Variants in ADGRL2 observed in about 807,000 individuals in gnomAD.
ADGRL2 encodes adhesion G protein-coupled receptor L2.
Under a neutral mutation model 157.4 loss-of-function variants are expected in ADGRL2, and 44 were observed. The observed-to-expected ratio is 0.28, with a 90% confidence interval of 0.22 to 0.36. The LOEUF (loss-of-function observed/expected upper bound fraction) is 0.36. ADGRL2 is among the 10% of genes least tolerant of loss of function. The probability of loss-of-function intolerance (pLI) is 1.00; values close to 1 mark genes in which losing one functional copy is unlikely to be tolerated. For missense variants in ADGRL2, 1,510 were observed against 1,768.9 expected (o/e 0.85, Z 2.63); for synonymous variants, 585 against 624.7 (o/e 0.94, Z 0.95).
In ADGRL2 at chr1:81,905,110, T is replaced by A. The variant is rs185513214; in HGVS notation, c.74-1907T>A. Among the ~76,000 whole-genome samples the A allele has an allele frequency of 7.2e-4, 110 of 152,084 alleles. 1 individual carries two copies. Among genetic ancestry groups the A allele is most frequent in the African/African-American group, 2.5e-3 (105 of 41,504 alleles). ...TTTTCCTTACTATACTTTTTTTTTT[T>A]TTTGAGATGGGAGTTTGGCTCTTTT... is the stretch of plus-strand genomic sequence containing the variant. On this transcript the variant is annotated intron_variant, in intron 2 of 23. Coordinates refer to ENST00000686636, the MANE Select transcript of ADGRL2 (RefSeq NM_001366006.2).
At chr1:81,707,676 A>G (rs1047926642) in intron 1 of ADGRL2, among the ~76,000 whole-genome samples, 2 of 152,020 alleles carry the variant, frequency 1.3e-5, no homozygotes, top group African/African-American at 4.8e-5. Flanking sequence ...TGTTGCATCC[A>G]CATGTTGGAT....
chr1:81,762,710 TTATA>T (rs1412374897), intron 2 of ADGRL2, among the ~76,000 whole-genome samples: 48 of 152,090 alleles, frequency 3.2e-4, no homozygotes, highest in Admixed American at 9.2e-4. Flanking sequence ...GCATGTGCGC[TTATA>T]TAGACAGAGG....
rs1324870446 is a variant in ADGRL2 at position 81,800,988 on chromosome 1, C to A, written c.-181C>A. On this transcript the variant is annotated 5_prime_UTR_variant, in exon 1 of 24. Coordinates refer to ENST00000686636, the MANE Select transcript of ADGRL2 (RefSeq NM_001366006.2). ...CGCCGCCCGGACAGCCCTGCGGCCG[C>A]CCCGCCGGCGGAGCCGGGGCCGGCC... Among the ~76,000 whole-genome samples the A allele has an allele frequency of 6.7e-6, 1 of 149,862 alleles. No individual in the cohort carries two copies. Among genetic ancestry groups the A allele is most frequent in the East Asian group, 2.0e-4 (1 of 5,060 alleles).
At chr1:81,942,869 T>C (rs1444454323) in intron 5 of ADGRL2, 100 bp from the exon 6 acceptor site, 1 of 857,586 alleles carries the variant, frequency 1.2e-6, no homozygotes, top group Non-Finnish European at 2.0e-6. Context: ...TGAATGCTAA[T>C]AATATGAATT....
At chr1:81,571,782 T>A (rs1205511143) in intron 2 of ADGRL2, among the ~76,000 whole-genome samples, 1 of 152,202 alleles carries the variant, frequency 6.6e-6, no homozygotes, top group Admixed American at 6.6e-5. Flanking sequence ...GTATTATGAA[T>A]ACTTCATATT....
At chr1:81,427,304 G>T (rs1352784801) in intron 1 of ADGRL2, 1 of 724,360 alleles carries the variant, frequency 1.4e-6, no homozygotes. Flanking sequence ...AGGCGATGGT[G>T]GCAACTATGA....
intron 3 of ADGRL2, among the ~76,000 whole-genome samples, chr1:81,921,775 G>A (rs1328216026): frequency 6.6e-6 from 1 of 152,100 alleles, no homozygotes; most frequent in Non-Finnish European, 1.5e-5. Flanking sequence ...CTATAAATCA[G>A]ATACATTTTA....
At chr1:81,814,134 G>A (rs1478461837) in intron 1 of ADGRL2, among the ~76,000 whole-genome samples, 1 of 151,414 alleles carries the variant, frequency 6.6e-6, no homozygotes. Flanking sequence ...ACTGGTTTTC[G>A]GTTTAAAGTA....
intron 7 of ADGRL2, 82 bp downstream of exon 7, chr1:81,950,564 G>C: frequency 7.6e-7 from 1 of 1,307,684 alleles, no homozygotes; most frequent in Non-Finnish European, 1.1e-6. Flanking sequence ...TTTATTCAAA[G>C]AAAGCGATGT....
chr1:81,862,746 C>A (rs1253070343), intron 2 of ADGRL2, among the ~76,000 whole-genome samples: 3 of 152,062 alleles, frequency 2.0e-5, no homozygotes, highest in African/African-American at 7.2e-5. Flanking sequence ...AGTTTACTTA[C>A]CACTTTCGCC....
intron 3 of ADGRL2, among the ~76,000 whole-genome samples, chr1:81,616,703 G>T (rs1173602625): frequency 4.8e-5 from 2 of 41,596 alleles, no homozygotes; most frequent in South Asian, 6.1e-4. Context: ...TTGAGACAGG[G>T]TCTCGCTCTG....
chr1:81,591,473 A>C (rs1398160343), intron 3 of ADGRL2, among the ~76,000 whole-genome samples: 1 of 152,172 alleles, frequency 6.6e-6, no homozygotes, highest in Non-Finnish European at 1.5e-5. Flanking sequence ...AATGATGCTA[A>C]TGAGGTTTTC....
At chr1:81,554,269 G>A (rs2080218971) in intron 2 of ADGRL2, among the ~76,000 whole-genome samples, 1 of 152,196 alleles carries the variant, frequency 6.6e-6, no homozygotes, top group Non-Finnish European at 1.5e-5. Flanking sequence ...GGCCTCGTCA[G>A]CATCAAAACC....
At chr1:81,584,977 CAACA>C (rs2080995070) in intron 3 of ADGRL2, among the ~76,000 whole-genome samples, 1 of 152,116 alleles carries the variant, frequency 6.6e-6, no homozygotes, top group Non-Finnish European at 1.5e-5. Flanking sequence ...AGGCTTAACA[CAACA>C]ATCAATTAAT....
At chr1:81,842,706 C>T (rs1430884851) in intron 2 of ADGRL2, among the ~76,000 whole-genome samples, 13 of 152,000 alleles carry the variant, frequency 8.6e-5, no homozygotes, top group Non-Finnish European at 1.8e-4. Flanking sequence ...GAAAAATTTA[C>T]ACCAAATTGG....
chr1:81,737,457 A>G (rs1287378635), intron 1 of ADGRL2, among the ~76,000 whole-genome samples: 1 of 152,062 alleles, frequency 6.6e-6, no homozygotes, highest in African/African-American at 2.4e-5. Context: ...AACAAGGGGA[A>G]ATCTGCCCCC....
chr1:81,410,327 G>T (rs533015504), intron 1 of ADGRL2, among the ~76,000 whole-genome samples: 2 of 152,262 alleles, frequency 1.3e-5, no homozygotes, highest in South Asian at 2.1e-4. Flanking sequence ...TTCTTTAAAG[G>T]ATGCAGTAGA....
intron 2 of ADGRL2, among the ~76,000 whole-genome samples, chr1:81,531,528 A>C (rs1439604089): frequency 6.6e-6 from 1 of 152,214 alleles, no homozygotes; most frequent in Non-Finnish European, 1.5e-5. Context: ...TCATCTTAAG[A>C]AGAAAACCAA....
chr1:81,520,180 A>G (rs930473786), intron 2 of ADGRL2, among the ~76,000 whole-genome samples: 1 of 152,196 alleles, frequency 6.6e-6, no homozygotes, highest in African/African-American at 2.4e-5. Flanking sequence ...CAATTAGCCA[A>G]CAAGCTACCC....
Sources: gnomAD v4.1 joint callset for allele counts (sites outside exome capture counted in the v4.1 genomes callset) on GRCh38, gnomAD v4.1.1 for gene constraint, MANE v1.5 for transcripts, NCBI Gene and HGNC (gene_info 2026-07-23, HGNC 2026-07-21) for gene names.